Variants in IL4R observed in about 807,000 individuals in gnomAD.
IL4R encodes the protein interleukin-4 receptor subunit alpha.
Under a neutral mutation model 41.5 loss-of-function variants are expected in IL4R, and 17 were observed. That is an observed-to-expected ratio of 0.41 (90% confidence interval 0.28 to 0.61). IL4R has a LOEUF of 0.61. Ranked by LOEUF, IL4R falls within the 20% of genes least tolerant of loss-of-function variation. IL4R has a pLI of 0.31. For synonymous variants in IL4R, 402 were observed against 422.9 expected, an observed-to-expected ratio of 0.95 and a Z score of 0.61; for missense variants, 974 against 1,043.1, an observed-to-expected ratio of 0.93 and a Z score of 0.91.
In IL4R at chr16:27,362,396, G is replaced by C. The variant is rs538648103; in HGVS notation, c.1044G>C (p.Lys348Asn). The C allele has an allele frequency of 6.2e-7, 1 of 1,614,176 alleles. No homozygotes were observed. The highest frequency in any genetic ancestry group is 8.5e-7 in the Non-Finnish European group (1 of 1,180,038). The change falls in exon 11 of 11, where the codon AAG becomes AAC. Residue 348 changes from lysine (K) to asparagine (N), a missense_variant. Physicochemically the swap from Lys to Asn is moderately conservative, Grantham distance 94 (BLOSUM62 0). Transcript: ENST00000395762. ...CATGGTGCCCAGTGGAGATCAGCAA[G>C]ACAGTCCTCTGGCCAGAGAGCATCA... ...KSAWCPVEIS[K>N]TVLWPESISV...
chr16:27,333,508 G>A (rs115694934), intron 2 of IL4R, among the ~76,000 whole-genome samples: 320 of 152,236 alleles, frequency 2.1e-3, no homozygotes, highest in African/African-American at 7.4e-3. Flanking sequence ...GGGACCTGGT[G>A]GATGGGTTAT....
rs753600567 is a variant in IL4R at position 27,363,779 on chromosome 16, C to A, written c.2427C>A (p.Pro809=). Residue 809 remains proline (P), a synonymous_variant, in exon 11 of 11, where the codon CCC becomes CCA. Transcript: ENST00000395762. ...PGNAQSSSQT[P]KIVNFVSVGP... ...ATGCTCAGAGCTCAAGCCAGACCCC[C>A]AAAATCGTGAACTTTGTCTCCGTGG... 6.2e-7 allele frequency: 1 copy of A among 1,610,808 alleles called. No individual in the cohort carries two copies. Among genetic ancestry groups the A allele is most frequent in the South Asian group, 1.1e-5 (1 of 91,088 alleles).
chr16:27,335,137 A>G lies in IL4R; in HGVS notation c.-19+4939A>G, dbSNP rs2085225169. Among the ~76,000 whole-genome samples, 3 of 152,188 alleles carry G rather than the reference A, an allele frequency of 2.0e-5. No homozygotes were observed. In the South Asian group the frequency reaches 6.2e-4, roughly 32 times the overall value. ...ATGTATGCATCCTTGGCAGGAACCC[A>G]GGAAAAGACATGCTGTGCTCTTCTC... On this transcript the variant is annotated intron_variant, in intron 2 of 10. Coordinates refer to ENST00000395762, the MANE Select transcript of IL4R (RefSeq NM_000418.4).
Position 27,340,216 on chromosome 16 carries a change from T to C in IL4R, c.13T>C (p.Cys5Arg), listed in dbSNP as rs914663466. The change falls in exon 3 of 11, where the codon TGC (cysteine) becomes CGC (arginine). Residue 5 changes from cysteine (C) to arginine (R), a missense_variant. Around this residue, in one of 3 missense-constraint regions of IL4R, gnomAD observed 284 missense variants for 313.4 expected, o/e 0.91. Coordinates refer to ENST00000395762, the MANE Select transcript of IL4R (RefSeq NM_000418.4). MGWL[C>R]SGLLFPVSCL... ...TTGGCATCTCCCAATGGGGTGGCTT[T>C]GCTCTGGGCTCCTGTTCCCTGTGAG... The C allele has an allele frequency of 6.2e-7, 1 of 1,613,830 alleles. No individual in the cohort carries two copies. Among genetic ancestry groups the C allele is most frequent in the Non-Finnish European group, 8.5e-7 (1 of 1,179,950 alleles).
intron 6 of IL4R, among the ~76,000 whole-genome samples, chr16:27,346,902 G>A (rs1474483867): frequency 6.6e-6 from 1 of 152,200 alleles, no homozygotes; most frequent in Non-Finnish European, 1.5e-5. Flanking sequence ...CCCAGTTTGG[G>A]GGACACAAGT....
At position 27,342,275 on chromosome 16, in the gene IL4R, A is replaced by AGCT; in HGVS notation, c.209+18_209+20dup. On this transcript the variant is annotated intron_variant, in intron 4 of 10. Transcript: ENST00000395762. ...TGCTCTCCGAGTAAGCCTGCGCTGG[A>AGCT]GCTGGAGGTTTGGGGAGGTTGTGCC... 1 of 1,613,932 alleles carries AGCT rather than the reference A, an allele frequency of 6.2e-7. No individual in the cohort carries two copies. The highest frequency in any genetic ancestry group is 8.5e-7 in the Non-Finnish European group (1 of 1,179,884).
chr16:27,342,034 T>C, intron 3 of IL4R, 87 bp from the exon 4 acceptor site: 1 of 1,481,882 alleles, frequency 6.7e-7, no homozygotes, highest in Non-Finnish European at 9.2e-7. Context: ...TGTGCTTTTG[T>C]GCTATTCCCC....
intron 6 of IL4R, among the ~76,000 whole-genome samples, chr16:27,348,263 G>T (rs974212480): frequency 6.6e-6 from 1 of 152,030 alleles, no homozygotes; most frequent in Non-Finnish European, 1.5e-5. Context: ...CGGGGGGCAT[G>T]GGGGGAAGGA....
chr16:27,316,437 C>G (rs764026984), intron 1 of IL4R, among the ~76,000 whole-genome samples: 1 of 152,184 alleles, frequency 6.6e-6, no homozygotes, highest in Non-Finnish European at 1.5e-5. Context: ...TCCCTGCCCT[C>G]TTCCACCCAC....
rs573096252 is a variant in IL4R at position 27,320,107 on chromosome 16, T to G, written c.-152+6087T>G. 3.9e-5 allele frequency among the ~76,000 whole-genome samples: 6 copies of G among 152,212 alleles called. No homozygotes were observed. In the South Asian group the frequency reaches 6.2e-4, roughly 16 times the overall value. On this transcript the variant is annotated intron_variant, in intron 1 of 10. Transcript: ENST00000395762. ...GTGTCGAACTCCTGGCCTCAGGTGA[T>G]CCACCTGCCTCAGTCTCCCAAAGTG...
chr16:27,360,556 T>A (rs182925042), intron 9 of IL4R, among the ~76,000 whole-genome samples: 231 of 152,328 alleles, frequency 1.5e-3, no homozygotes, highest in African/African-American at 5.2e-3. Flanking sequence ...AGCACTCCTC[T>A]GTGGCCACTT....
At chr16:27,361,447 CA>C (rs1031753622) in intron 10 of IL4R, among the ~76,000 whole-genome samples, 3 of 151,252 alleles carry the variant, frequency 2.0e-5, no homozygotes, top group African/African-American at 7.3e-5. Flanking sequence ...ACTCTTGTCT[CA>C]AAAAAAATAA....
chr16:27,330,222 C>G (rs892591905), intron 2 of IL4R, 24 bp downstream of exon 2: 1 of 151,638 alleles, frequency 6.6e-6, no homozygotes. Flanking sequence ...AACCCCATCT[C>G]TACTAAAAAT....
intron 10 of IL4R, 50 bp downstream of exon 10, chr16:27,360,865 G>GA: frequency 6.2e-7 from 1 of 1,614,112 alleles, no homozygotes; most frequent in Non-Finnish European, 8.5e-7. Context: ...GAAGGTGATA[G>GA]AATTGGAGAG....
At chr16:27,359,755 A>G in intron 9 of IL4R, 1 of 453,360 alleles carries the variant, frequency 2.2e-6, no homozygotes. Flanking sequence ...TTATTGAGAC[A>G]ATACATATAA....
chr16:27,323,048 C>G (rs1218947836), intron 1 of IL4R, among the ~76,000 whole-genome samples: 1 of 152,068 alleles, frequency 6.6e-6, no homozygotes, highest in Non-Finnish European at 1.5e-5. Flanking sequence ...CCCCACCCAT[C>G]CAGGAATGGT....
At chr16:27,322,103 G>GTTTT (rs10631013) in intron 1 of IL4R, among the ~76,000 whole-genome samples, 1 of 145,150 alleles carries the variant, frequency 6.9e-6, no homozygotes, top group African/African-American at 2.5e-5. Flanking sequence ...TCACTATGTG[G>GTTTT]TTTTTTTTTT....
At chr16:27,323,829 T>G (rs2084880649) in intron 1 of IL4R, among the ~76,000 whole-genome samples, 1 of 152,082 alleles carries the variant, frequency 6.6e-6, no homozygotes, top group Non-Finnish European at 1.5e-5. Context: ...CAATTTTTTT[T>G]TGTATTTTTG....
intron 2 of IL4R, among the ~76,000 whole-genome samples, chr16:27,333,041 T>C (rs1359088414): frequency 2.0e-5 from 3 of 152,034 alleles, no homozygotes; most frequent in Non-Finnish European, 4.4e-5. Flanking sequence ...TGTTGTGTGA[T>C]TTCTAATGTT....
Sources: gnomAD v4.1 joint callset for allele counts (sites outside exome capture counted in the v4.1 genomes callset) on GRCh38, gnomAD v4.1.1 for gene constraint, gnomAD v4.1.1 regional missense constraint, MANE v1.5 for transcripts, NCBI Gene and HGNC (gene_info 2026-07-23, HGNC 2026-07-21) for gene names.